GANC: variants seen among roughly 807,000 people sequenced by gnomAD.
The protein encoded by GANC is glucosidase alpha, neutral C, also known as neutral alpha-glucosidase C.
GANC carries 117 observed loss-of-function variants against 124.2 expected under a neutral mutation model. That is an observed-to-expected ratio of 0.94 (90% CI 0.81 to 1.10). GANC has a LOEUF of 1.10. Ranked by LOEUF, GANC falls within the 50% of genes least tolerant of loss-of-function variation. The pLI is 0.00. For synonymous variants in GANC, 377 were observed against 376.8 expected, an observed-to-expected ratio of 1.00 and a Z score of -0.01; for missense variants, 1,140 against 1,095.0, an observed-to-expected ratio of 1.04 and a Z score of -0.58.
At chr15:42,347,996 A>G (rs2052380763) in intron 20 of GANC, 107 bp from the exon 21 acceptor site, 1 of 630,616 alleles carries the variant, frequency 1.6e-6, no homozygotes, top group South Asian at 2.7e-5. Flanking sequence ...TTGCCTACAA[A>G]TCCGTACTTG....
At chr15:42,306,696 G>T in intron 7 of GANC, 84 bp downstream of exon 7, 1 of 923,970 alleles carries the variant, frequency 1.1e-6, no homozygotes, top group Non-Finnish European at 1.6e-6. Flanking sequence ...TTGATCTCTG[G>T]CACCTAAAAC....
Position 42,292,748 on chromosome 15 carries a change from T to C in GANC, c.343T>C (p.Ser115Pro). The change falls in exon 5 of 24, where the codon TCT becomes CCT. Residue 115 changes from serine to proline, a missense_variant. Ser to Pro is a moderately conservative substitution (Grantham distance 74, BLOSUM62 -1). Transcript: ENST00000318010. ...TTTGTTTTCTAGGCTGATTTCATGC[T>C]CTGGGGACACAGGCAGTCTGATATT... ...KPSTVRLISC[S>P]GDTGSLILAD... 6.2e-7 allele frequency: 1 copy of C among 1,613,870 alleles called. No individual in the cohort carries two copies. Among genetic ancestry groups the C allele is most frequent in the Non-Finnish European group, 8.5e-7 (1 of 1,179,826 alleles).
Position 42,273,248 on chromosome 15 carries a change from T to C in GANC, c.-1234T>C. 6.2e-7 allele frequency: 1 copy of C among 1,614,064 alleles called. No homozygotes were observed. Among genetic ancestry groups the C allele is most frequent in the African/African-American group, 1.3e-5 (1 of 75,048 alleles). On this transcript the variant is annotated 5_prime_UTR_variant, in exon 1 of 24. Coordinates refer to ENST00000318010, the MANE Select transcript of GANC (RefSeq NM_198141.3). ...TAGGTTCAGACGTTAGTGAAGTGAATACTCACCGACGGTATCGGAATGTGC... is the reference window on the plus strand; with the variant it reads ...TAGGTTCAGACGTTAGTGAAGTGAACACTCACCGACGGTATCGGAATGTGC...
At chr15:42,304,533 T>A (rs2051975431) in intron 6 of GANC, among the ~76,000 whole-genome samples, 1 of 152,244 alleles carries the variant, frequency 6.6e-6, no homozygotes, top group African/African-American at 2.4e-5. Context: ...AAAATGGCTG[T>A]ACTGCCCAAA....
chr15:42,283,522 G>T, intron 3 of GANC: 1 of 637,622 alleles, frequency 1.6e-6, no homozygotes, highest in Non-Finnish European at 2.8e-6. Flanking sequence ...TAGCAAGGAT[G>T]TCTGGAGCAA....
chr15:42,333,593 T>C (rs1388690971), intron 15 of GANC, among the ~76,000 whole-genome samples: 2 of 152,304 alleles, frequency 1.3e-5, no homozygotes, highest in African/African-American at 4.8e-5. Flanking sequence ...GCTCAAATCC[T>C]GCCTCTACCA....
Position 42,329,284 on chromosome 15 carries a change from A to G in GANC, c.1501-22A>G. The G allele has an allele frequency of 3.1e-6, 5 of 1,603,342 alleles. No individual in the cohort carries two copies. In the East Asian group the frequency reaches 8.9e-5, roughly 29 times the overall value. ...TAGACATCATCAATGTAGGAGTGTC[A>G]TGACCAAGGTTTACTTCCTAGGGAT... On this transcript the variant is annotated intron_variant, in intron 13 of 23. Transcript: ENST00000318010.
At chr15:42,329,720 A>G (rs900199939) in intron 14 of GANC, among the ~76,000 whole-genome samples, 1 of 152,236 alleles carries the variant, frequency 6.6e-6, no homozygotes, top group African/African-American at 2.4e-5. Flanking sequence ...GGAGCCATTA[A>G]TAAGTGGCAC....
chr15:42,345,909 A>G, intron 20 of GANC, 77 bp downstream of exon 20: 3 of 1,003,480 alleles, frequency 3.0e-6, no homozygotes, highest in Non-Finnish European at 4.6e-6. Flanking sequence ...AAAATACCAC[A>G]GACTGGGTGG....
Position 42,348,196 on chromosome 15 carries a change from C to T in GANC, c.2398C>T (p.Arg800Trp), listed in dbSNP as rs778471029. ...GATGACTGAATCCTCCTATGGACTCCGGGTTGCTCTAAGCACTAAGGTATT... is the reference window on the plus strand; with the variant it reads ...GATGACTGAATCCTCCTATGGACTCTGGGTTGCTCTAAGCACTAAGGTATT... ...GWMTESSYGL[R>W]VALSTKGSSV... Residue 800 changes from arginine to tryptophan, a missense_variant, in exon 21 of 24, where the codon CGG becomes TGG. Transcript: ENST00000318010. 1.4e-5 allele frequency: 22 copies of T among 1,610,670 alleles called. No individual in the cohort carries two copies. Among genetic ancestry groups the T allele is most frequent in the Non-Finnish European group, 1.5e-5 (18 of 1,178,262 alleles).
At chr15:42,317,380 G>A (rs1027409125) in intron 10 of GANC, among the ~76,000 whole-genome samples, 1 of 152,196 alleles carries the variant, frequency 6.6e-6, no homozygotes, top group Non-Finnish European at 1.5e-5. Flanking sequence ...AGACAGAGAT[G>A]AGAGGGGGCT....
At chr15:42,311,594 C>T (rs376596359) in intron 10 of GANC, among the ~76,000 whole-genome samples, 5 of 152,198 alleles carry the variant, frequency 3.3e-5, no homozygotes, top group African/African-American at 1.2e-4. Flanking sequence ...GGAAACTTAA[C>T]AATTATGATG....
At chr15:42,283,500 A>G in intron 3 of GANC, 1 of 624,590 alleles carries the variant, frequency 1.6e-6, no homozygotes, top group Non-Finnish European at 2.9e-6. Flanking sequence ...AGTCTAGCTT[A>G]AATAGCATTG....
intron 14 of GANC, 50 bp from the exon 15 acceptor site, chr15:42,330,526 C>A: frequency 7.6e-7 from 1 of 1,322,128 alleles, no homozygotes; most frequent in Non-Finnish European, 1.1e-6. Flanking sequence ...TTGGGGATGT[C>A]TGTACAAATC....
chr15:42,326,083 T>C (rs1044266730), intron 11 of GANC, among the ~76,000 whole-genome samples: 1 of 152,258 alleles, frequency 6.6e-6, no homozygotes, highest in African/African-American at 2.4e-5. Flanking sequence ...TTGGTATCAG[T>C]TGAAATTCTC....
chr15:42,319,959 C>A (rs763844147), intron 10 of GANC, among the ~76,000 whole-genome samples: 2 of 152,006 alleles, frequency 1.3e-5, no homozygotes, highest in Non-Finnish European at 2.9e-5. Flanking sequence ...CCAAGATGGG[C>A]GATCACCTAA....
intron 5 of GANC, among the ~76,000 whole-genome samples, chr15:42,293,383 C>A (rs529613532): frequency 3.9e-4 from 60 of 152,240 alleles, no homozygotes; most frequent in African/African-American, 1.4e-3. Flanking sequence ...GATTCTTATT[C>A]CATTCTTACG....
intron 10 of GANC, among the ~76,000 whole-genome samples, chr15:42,315,933 C>T (rs1200857340): frequency 2.6e-5 from 4 of 152,104 alleles, no homozygotes; most frequent in African/African-American, 4.8e-5. Context: ...CCAGCCCCTA[C>T]AATCACACGA....
chr15:42,331,243 G>A (rs577948154), intron 15 of GANC, among the ~76,000 whole-genome samples: 7 of 152,318 alleles, frequency 4.6e-5, no homozygotes, highest in South Asian at 2.1e-4. Context: ...TGGCCACTTC[G>A]TTGTTGGGAG....
Sources: gnomAD v4.1 joint callset for allele counts (sites outside exome capture counted in the v4.1 genomes callset) on GRCh38, gnomAD v4.1.1 for gene constraint, MANE v1.5 for transcripts, NCBI Gene and HGNC (gene_info 2026-07-23, HGNC 2026-07-21) for gene names.